Variants in TRIM71 observed in about 807,000 individuals in gnomAD.
The protein encoded by TRIM71 is E3 ubiquitin-protein ligase TRIM71.
Under a neutral mutation model 61.2 loss-of-function variants are expected in TRIM71, and 9 were observed. The ratio of observed to expected loss-of-function variants is 0.15; its 90% CI spans 0.09 to 0.26. TRIM71 has a LOEUF of 0.26. Among genes scored for constraint, TRIM71 ranks in the 10% least tolerant of loss-of-function variants. The probability of loss-of-function intolerance (pLI) is 1.00; values close to 1 mark genes in which losing one functional copy is unlikely to be tolerated. For synonymous variants in TRIM71, 645 were observed against 553.2 expected (o/e 1.17, Z -2.33); for missense variants, 998 against 1,238.7 (o/e 0.81, Z 2.92).
Position 32,891,695 on chromosome 3 carries a change from T to G in TRIM71, c.2491T>G (p.Phe831Val), listed in dbSNP as rs1184983321. The change falls in exon 4 of 4, where the codon TTT (phenylalanine) becomes GTT (valine). Residue 831 changes from phenylalanine to valine, a missense_variant. This residue lies in a region of TRIM71 where 95 missense variants were observed against 159.0 expected (regional missense o/e 0.60). Transcript: ENST00000383763. This position sits in a 1 kb window ranked among gnomAD's most constrained non-coding sequence, Gnocchi z 8.2. Reference sequence around the variant, plus strand: ...ATCCAACGGCAGCTTCCTGTGCAAGTTTGGTGCTCAAGGCAGCGGCTTTGG... The same window carrying G: ...ATCCAACGGCAGCTTCCTGTGCAAGGTTGGTGCTCAAGGCAGCGGCTTTGG... ...FESNGSFLCK[F>V]GAQGSGFGQM... 2.5e-6 allele frequency: 4 copies of G among 1,614,088 alleles called. No individual in the cohort carries two copies. The East Asian group carries it at 8.9e-5, about 36-fold the overall frequency.
rs201462435 is a variant in TRIM71 at position 32,892,242 on chromosome 3, C to CA, written c.*440dup. On this transcript the variant is annotated 3_prime_UTR_variant, in exon 4 of 4. Coordinates refer to ENST00000383763, the MANE Select transcript of TRIM71 (RefSeq NM_001039111.3). The stretch of plus-strand genomic sequence containing the variant: ...TTCTGTAGATTGAGCCAAGGAAACA[C>CA]AAAAAAAAACTACTAAGTAAAAAAA... The CA allele has an allele frequency of 2.6e-3, 389 of 150,440 alleles. 1 individual carries two copies. The highest frequency in any genetic ancestry group is 8.4e-3 in the African/African-American group (336 of 40,146). 9.3% of individuals were successfully genotyped at this position (150,440 alleles called of 1,614,324 possible). A position where few individuals can be genotyped will look rare whatever the true frequency, so the allele number is the denominator to read the frequency against.
rs71068090 is a variant in TRIM71, at chr3:32,826,582, C to CTTTTTTTTT, written c.852+7664_852+7672dup. ...AACTTTAATTCCCATCAGGTGAGTT[C>CTTTTTTTTT]TTTTTTTTTTTTTTTTTTTTTTGAG... On this transcript the variant is annotated intron_variant, in intron 1 of 3. Transcript: ENST00000383763. Among the ~76,000 whole-genome samples the CTTTTTTTTT allele has an allele frequency of 5.1e-3, 423 of 83,080 alleles. 47 individuals carry two copies. The highest frequency in any genetic ancestry group is 0.011 in the African/African-American group (210 of 19,378). 54.5% of individuals were successfully genotyped at this position (83,080 alleles called of 152,430 possible). A position where few individuals can be genotyped will look rare whatever the true frequency, so the allele number is the denominator to read the frequency against.
At position 32,818,896 on chromosome 3, in the gene TRIM71, C is replaced by T; in HGVS notation, c.816C>T (p.Pro272=). Residue 272 remains proline (P), a synonymous_variant, in exon 1 of 4, where the codon CCC becomes CCT. Coordinates refer to ENST00000383763, the MANE Select transcript of TRIM71 (RefSeq NM_001039111.3). ...CCTTCTCCATCCTCTCAGTGTTTCC[C>T]GAGCGCCTCGGCTTCTGCCAGCACC... ...GPPFSILSVF[P]ERLGFCQHHD... 3.1e-6 allele frequency: 5 copies of T among 1,612,672 alleles called. No individual in the cohort carries two copies. The highest frequency in any genetic ancestry group is 4.2e-6 in the Non-Finnish European group (5 of 1,179,852).
chr3:32,838,832 G>A (rs1050659436), intron 1 of TRIM71, among the ~76,000 whole-genome samples: 5 of 151,518 alleles, frequency 3.3e-5, no homozygotes, highest in Admixed American at 2.0e-4. Context: ...ACGAGGTCTC[G>A]CTCTGTCACC....
chr3:32,882,727 A>AAAATATAC (rs1559550491), intron 2 of TRIM71, among the ~76,000 whole-genome samples: 10 of 152,078 alleles, frequency 6.6e-5, no homozygotes, highest in African/African-American at 2.4e-4. Flanking sequence ...ATTTTTTTGT[A>AAAATATAC]GAGACGGGGT....
Position 32,850,257 on chromosome 3 carries a change from G to A in TRIM71, c.853-23561G>A, listed in dbSNP as rs188452057. 1.0e-3 allele frequency among the ~76,000 whole-genome samples: 151 copies of A among 150,364 alleles called. 1 individual carries two copies. Among genetic ancestry groups the A allele is most frequent in the African/African-American group, 3.6e-3 (148 of 40,934 alleles). ...GGGTGAAGTTTGCATTGCTAATTGG[G>A]AATACAGATTTTTTTTTGTGTGCAA... is the stretch of plus-strand genomic sequence containing the variant. On this transcript the variant is annotated intron_variant, in intron 1 of 3. Transcript: ENST00000383763.
chr3:32,885,040 T>G (rs1696945478), intron 2 of TRIM71, among the ~76,000 whole-genome samples: 1 of 151,972 alleles, frequency 6.6e-6, no homozygotes, highest in Non-Finnish European at 1.5e-5. Flanking sequence ...ACTGTCCCAG[T>G]TTTAGCATTG....
chr3:32,863,949 C>T (rs1397095450), intron 1 of TRIM71, among the ~76,000 whole-genome samples: 1 of 152,194 alleles, frequency 6.6e-6, no homozygotes, highest in Non-Finnish European at 1.5e-5. Context: ...CTCAAAAGTG[C>T]TGGGATTACA....
rs988618097 is a variant in TRIM71 at position 32,893,774 on chromosome 3, G to A, written c.*1963G>A. The A allele has an allele frequency of 6.6e-6, 1 of 152,062 alleles. No homozygotes were observed. Among genetic ancestry groups the A allele is most frequent in the African/African-American group, 2.4e-5 (1 of 41,414 alleles). The allele number at this position is 152,062 out of a possible 1,614,324, so 9.4% of individuals were successfully genotyped here. A position where few individuals can be genotyped will look rare whatever the true frequency, so the allele number is the denominator to read the frequency against. Reference sequence around the variant, plus strand: ...TTGCTTTTCCCGTACACCTCTTTTGGACGTTTAATTTACTACTACTACAAG... The same window carrying A: ...TTGCTTTTCCCGTACACCTCTTTTGAACGTTTAATTTACTACTACTACAAG... On this transcript the variant is annotated 3_prime_UTR_variant, in exon 4 of 4. Transcript: ENST00000383763.
In TRIM71 at chr3:32,829,922, ATTTTTTT is replaced by A. The variant is rs11327826; in HGVS notation, c.852+11007_852+11013del. On this transcript the variant is annotated intron_variant, in intron 1 of 3. Transcript: ENST00000383763. Reference sequence around the variant, plus strand: ...GCTTAATACTAAATTTACTGCCTGAATTTTTTTTTTTTTTTTTTTTTTTCGAGATGGA... The same window carrying A: ...GCTTAATACTAAATTTACTGCCTGAATTTTTTTTTTTTTTTTCGAGATGGA... Among the ~76,000 whole-genome samples, 18 of 109,528 alleles carry A rather than the reference ATTTTTTT, an allele frequency of 1.6e-4. No individual in the cohort carries two copies. The East Asian group carries it at 3.1e-3, about 19-fold the overall frequency. 71.9% of individuals were successfully genotyped at this position (109,528 alleles called of 152,430 possible). A position where few individuals can be genotyped will look rare whatever the true frequency, so the allele number is the denominator to read the frequency against.
At chr3:32,854,197 T>C (rs1204307018) in intron 1 of TRIM71, among the ~76,000 whole-genome samples, 2 of 152,206 alleles carry the variant, frequency 1.3e-5, no homozygotes, top group African/African-American at 4.8e-5. Flanking sequence ...TCTCACTATA[T>C]TGACCAGGGT....
chr3:32,878,263 T>C (rs1203899302), intron 2 of TRIM71, among the ~76,000 whole-genome samples: 2 of 152,334 alleles, frequency 1.3e-5, no homozygotes, highest in South Asian at 2.1e-4. Context: ...GCAGTAATAT[T>C]TTGAAGGGAA....
chr3:32,859,993 G>A (rs906030981), intron 1 of TRIM71, among the ~76,000 whole-genome samples: 3 of 152,064 alleles, frequency 2.0e-5, no homozygotes, highest in African/African-American at 7.2e-5. Context: ...ACCCAGTTCT[G>A]TTCCCTGTTG....
At chr3:32,886,128 G>A in intron 3 of TRIM71, 60 bp downstream of exon 3, 1 of 1,559,078 alleles carries the variant, frequency 6.4e-7, no homozygotes. Context: ...AACCTCAGCA[G>A]CACTCTACGG....
chr3:32,818,330 G>A lies in TRIM71; in HGVS notation c.250G>A (p.Gly84Arg). 6.9e-7 allele frequency: 1 copy of A among 1,445,456 alleles called. No individual in the cohort carries two copies. Among genetic ancestry groups the A allele is most frequent in the East Asian group, 3.1e-5 (1 of 32,036 alleles). The allele number at this position is 1,445,456 out of a possible 1,614,324, so 89.5% of individuals were successfully genotyped here. Reference protein sequence around the residue: ...RLPAAGGGAAGEPLKLRCPVC... With the variant: ...RLPAAGGGAAREPLKLRCPVC... ...GCCGGCGGCGGGCGGCGGCGCGGCGGGAGAGCCGCTCAAGCTGCGCTGCCC... is the reference window on the plus strand; with the variant it reads ...GCCGGCGGCGGGCGGCGGCGCGGCGAGAGAGCCGCTCAAGCTGCGCTGCCC... Residue 84 changes from glycine to arginine, a missense_variant, in exon 1 of 4, where the codon GGA becomes AGA. Gly to Arg is a moderately radical substitution (Grantham distance 125). Transcript: ENST00000383763.
At chr3:32,866,233 G>A (rs995361647) in intron 1 of TRIM71, among the ~76,000 whole-genome samples, 1 of 151,824 alleles carries the variant, frequency 6.6e-6, no homozygotes, top group Non-Finnish European at 1.5e-5. Context: ...ACTGCACCAG[G>A]CCTTTTTGTT....
At chr3:32,829,875 T>C (rs1219362737) in intron 1 of TRIM71, among the ~76,000 whole-genome samples, 1 of 152,060 alleles carries the variant, frequency 6.6e-6, no homozygotes, top group African/African-American at 2.4e-5. Context: ...TGTAGCTTTT[T>C]GAAATTAACC....
At chr3:32,839,544 A>G (rs1395983390) in intron 1 of TRIM71, among the ~76,000 whole-genome samples, 2 of 151,824 alleles carry the variant, frequency 1.3e-5, no homozygotes, top group African/African-American at 4.8e-5. Flanking sequence ...GATGTTACCA[A>G]GGAGGAACGT....
At chr3:32,873,690 T>G in intron 1 of TRIM71, 128 bp from the exon 2 acceptor site, 1 of 822,090 alleles carries the variant, frequency 1.2e-6, no homozygotes, top group Non-Finnish European at 1.8e-6. Flanking sequence ...GCCTCTCCCT[T>G]TGGGGTGTGC....
Sources: allele counts gnomAD v4.1 joint callset (sites outside exome capture counted in the v4.1 genomes callset), GRCh38; gene constraint gnomAD v4.1.1; regional missense constraint gnomAD v4.1.1; non-coding constraint Gnocchi (gnomAD v3.1); transcripts MANE v1.5; gene names NCBI Gene and HGNC (gene_info 2026-07-23, HGNC 2026-07-21).